TMTC1: variants seen among roughly 807,000 people sequenced by gnomAD.
The protein encoded by TMTC1 is transmembrane O-mannosyltransferase targeting cadherins 1.
In TMTC1, 73 loss-of-function variants were observed where a neutral mutation model predicts 104.8. The observed-to-expected ratio is 0.70, with a 90% CI of 0.58 to 0.85. TMTC1 has a LOEUF of 0.85. Ranked by LOEUF, TMTC1 falls within the 40% of genes least tolerant of loss-of-function variation. The probability of loss-of-function intolerance (pLI) is 0.00; values close to 1 mark genes in which losing one functional copy is unlikely to be tolerated. For missense variants in TMTC1, 1,035 were observed against 1,096.1 expected, an observed-to-expected ratio of 0.94 and a Z score of 0.79; for synonymous variants, 434 against 428.7, an observed-to-expected ratio of 1.01 and a Z score of -0.15.
intron 5 of TMTC1, among the ~76,000 whole-genome samples, chr12:29,726,404 AT>A (rs1436826920): frequency 6.8e-6 from 1 of 146,770 alleles, no homozygotes; most frequent in Non-Finnish European, 1.6e-5. Flanking sequence ...AGTTACAGAG[AT>A]TCCAAGCCAT....
rs142683483 is a variant in TMTC1, at chr12:29,757,877, T to C, written c.554+827A>G. ...CAGATCTCGTGAGACTTATTCACTA[T>C]CATGAGAGCAGCACAGGAAAGATCC... is the stretch of plus-strand genomic sequence containing the variant. On this transcript the variant is annotated intron_variant, in intron 3 of 17. Transcript: ENST00000539277. 9.9e-3 allele frequency among the ~76,000 whole-genome samples: 1,499 copies of C among 152,002 alleles called. 23 individuals are homozygous for C. Among genetic ancestry groups the C allele is most frequent in the African/African-American group, 0.033 (1,381 of 41,514 alleles).
chr12:29,736,466 C>A (rs1942677104), intron 5 of TMTC1, among the ~76,000 whole-genome samples: 1 of 152,018 alleles, frequency 6.6e-6, no homozygotes, highest in African/African-American at 2.4e-5. Context: ...GTCGCCCAGG[C>A]TGGAGTGCAG....
intron 3 of TMTC1, among the ~76,000 whole-genome samples, chr12:29,757,439 T>C (rs1943240946): frequency 1.3e-5 from 2 of 152,206 alleles, no homozygotes; most frequent in Non-Finnish European, 1.5e-5. Context: ...AAATGTCTCC[T>C]GCAGGTAGAG....
rs973766736 is a variant in TMTC1, at chr12:29,501,921, C to T, written c.*4925G>A. 6.6e-6 allele frequency: 1 copy of T among 152,132 alleles called. No homozygotes were observed. The highest frequency in any genetic ancestry group is 2.4e-5 in the African/African-American group (1 of 41,442). The allele number at this position is 152,132 out of a possible 1,614,324, so 9.4% of individuals were successfully genotyped here. ...TTTGATTGCAGTTATTTTCTGTTCTCTTTAAATTACATGGCTACAAATAAA... is the reference window on the plus strand; with the variant it reads ...TTTGATTGCAGTTATTTTCTGTTCTTTTTAAATTACATGGCTACAAATAAA... On this transcript the variant is annotated 3_prime_UTR_variant, in exon 18 of 18. Coordinates refer to ENST00000539277, the MANE Select transcript of TMTC1 (RefSeq NM_001193451.2).
At chr12:29,587,178 C>T (rs1295710472) in intron 7 of TMTC1, among the ~76,000 whole-genome samples, 5 of 152,144 alleles carry the variant, frequency 3.3e-5, no homozygotes, top group African/African-American at 9.6e-5. Context: ...GTGTAAGTGT[C>T]GAGGAATTTA....
intron 10 of TMTC1, among the ~76,000 whole-genome samples, chr12:29,551,889 A>T (rs1186867875): frequency 6.6e-6 from 1 of 151,658 alleles, no homozygotes; most frequent in Admixed American, 6.6e-5. Context: ...TCAACCTCTC[A>T]CACTGTAAAT....
At chr12:29,609,294 A>G (rs1325316498) in intron 6 of TMTC1, among the ~76,000 whole-genome samples, 1 of 152,194 alleles carries the variant, frequency 6.6e-6, no homozygotes, top group Non-Finnish European at 1.5e-5. Context: ...GAAGCTGATG[A>G]CAGTAAAGCT....
At chr12:29,518,234 A>C (rs1944046266) in intron 13 of TMTC1, among the ~76,000 whole-genome samples, 1 of 152,306 alleles carries the variant, frequency 6.6e-6, no homozygotes, top group Admixed American at 6.5e-5. Context: ...AAACTGACTA[A>C]AGTGGGAATT....
intron 6 of TMTC1, chr12:29,613,960 C>T (rs1946912225): frequency 1.0e-6 from 1 of 977,624 alleles, no homozygotes; most frequent in Non-Finnish European, 1.2e-6. Context: ...AGAAGACAGT[C>T]CCTTTGTTCT....
At chr12:29,540,495 C>A (rs1255939398) in intron 10 of TMTC1, among the ~76,000 whole-genome samples, 2 of 152,134 alleles carry the variant, frequency 1.3e-5, no homozygotes, top group African/African-American at 2.4e-5. Flanking sequence ...CAAATCTAGA[C>A]CGTTCCATTG....
At chr12:29,559,541 C>T (rs1471951058) in intron 9 of TMTC1, among the ~76,000 whole-genome samples, 5 of 152,182 alleles carry the variant, frequency 3.3e-5, no homozygotes, top group Non-Finnish European at 5.9e-5. Flanking sequence ...GAAACAGAAG[C>T]GCTATAAGAG....
At position 29,593,600 on chromosome 12, in the gene TMTC1, G is replaced by A. The variant is rs189088407; in HGVS notation, c.1251-10026C>T. The stretch of plus-strand genomic sequence containing the variant: ...GTAGTATGTGAACTATTGTAGTCAC[G>A]TGTTTATGTTAATGTTCATTCACAC... On this transcript the variant is annotated intron_variant, in intron 7 of 17. Coordinates refer to ENST00000539277, the MANE Select transcript of TMTC1 (RefSeq NM_001193451.2). 5.9e-5 allele frequency among the ~76,000 whole-genome samples: 9 copies of A among 152,302 alleles called. No individual in the cohort carries two copies. The East Asian group carries it at 1.2e-3, about 20-fold the overall frequency.
At chr12:29,781,170 T>C (rs1237389303) in intron 1 of TMTC1, among the ~76,000 whole-genome samples, 2 of 151,982 alleles carry the variant, frequency 1.3e-5, no homozygotes, top group African/African-American at 4.8e-5. Context: ...TTTAAATCAA[T>C]GCATGTGAGG....
chr12:29,734,091 C>T (rs916990738), intron 5 of TMTC1, among the ~76,000 whole-genome samples: 1 of 152,160 alleles, frequency 6.6e-6, no homozygotes, highest in African/African-American at 2.4e-5. Flanking sequence ...TGCCCAGGTA[C>T]AGAATGTGTC....
chr12:29,516,515 CAG>C (rs895515671), intron 14 of TMTC1, 29 bp from the exon 15 acceptor site: 11 of 1,602,438 alleles, frequency 6.9e-6, no homozygotes, highest in Non-Finnish European at 9.4e-6. Flanking sequence ...CTTGGCTTAG[CAG>C]AGACTTCATT....
rs114459317 is a variant in TMTC1, at chr12:29,683,554, C to A, written c.939-50218G>T. 7.3e-3 allele frequency among the ~76,000 whole-genome samples: 1,108 copies of A among 152,214 alleles called. 13 individuals are homozygous for A. The highest frequency in any genetic ancestry group is 0.026 in the African/African-American group (1,059 of 41,526). On this transcript the variant is annotated intron_variant, in intron 5 of 17. Coordinates refer to ENST00000539277, the MANE Select transcript of TMTC1 (RefSeq NM_001193451.2). ...TCTACGTGTGTATACGCAAGGGACCCGCAGTCAATTGTGTGTAACATAAAT... is the reference window on the plus strand; with the variant it reads ...TCTACGTGTGTATACGCAAGGGACCAGCAGTCAATTGTGTGTAACATAAAT...
chr12:29,604,126 T>A, intron 7 of TMTC1, 52 bp downstream of exon 7: 1 of 1,607,830 alleles, frequency 6.2e-7, no homozygotes, highest in South Asian at 1.1e-5. Flanking sequence ...GAACTATCAA[T>A]GTTGGTGACA....
intron 5 of TMTC1, among the ~76,000 whole-genome samples, chr12:29,718,862 G>A (rs189121485): frequency 4.0e-5 from 6 of 151,362 alleles, no homozygotes; most frequent in Admixed American, 4.0e-4. Flanking sequence ...AAACCCAGGA[G>A]GCGGAGCTTG....
chr12:29,645,954 G>A (rs138822006), intron 5 of TMTC1, among the ~76,000 whole-genome samples: 80 of 152,274 alleles, frequency 5.3e-4, no homozygotes, highest in Non-Finnish European at 1.0e-3. Flanking sequence ...AAAGAAAATT[G>A]CCTAAAAGAG....
Sources: allele counts gnomAD v4.1 joint callset (sites outside exome capture counted in the v4.1 genomes callset), GRCh38; gene constraint gnomAD v4.1.1; transcripts MANE v1.5; gene names NCBI Gene and HGNC (gene_info 2026-07-23, HGNC 2026-07-21).